The following NOSTRIN variants were observed in gnomAD, a reference collection of about 807,000 sequenced individuals.
NOSTRIN encodes the protein BM247 homolog.
In NOSTRIN, 63 loss-of-function variants were observed where a neutral mutation model predicts 59.0. That is an observed-to-expected ratio of 1.07 (90% CI 0.87 to 1.32). NOSTRIN has a LOEUF of 1.32. NOSTRIN is among the 40% of genes most tolerant of loss of function. The probability of loss-of-function intolerance (pLI) is 0.00; values close to 1 mark genes in which losing one functional copy is unlikely to be tolerated. For missense variants in NOSTRIN, 512 were observed against 473.1 expected (o/e 1.08, Z -0.76); for synonymous variants, 200 against 165.4 (o/e 1.21, Z -1.61).
intron 2 of NOSTRIN, among the ~76,000 whole-genome samples, chr2:168,792,469 A>T (rs1685382722): frequency 6.6e-6 from 1 of 151,904 alleles, no homozygotes; most frequent in African/African-American, 2.4e-5. Context: ...TTATTTTTTG[A>T]GATGGAGTCC....
At chr2:168,804,388 G>C (rs1043843350) in intron 1 of NOSTRIN, among the ~76,000 whole-genome samples, 6 of 152,122 alleles carry the variant, frequency 3.9e-5, no homozygotes, top group Non-Finnish European at 5.9e-5. Flanking sequence ...TATCCCTTCA[G>C]CCTGGGTTTC....
intron 8 of NOSTRIN, among the ~76,000 whole-genome samples, chr2:168,848,971 T>TA (rs1688588990): frequency 6.6e-6 from 1 of 152,150 alleles, no homozygotes; most frequent in Non-Finnish European, 1.5e-5. Flanking sequence ...ATTAAAAGTA[T>TA]AAAGAAATTT....
intron 10 of NOSTRIN, among the ~76,000 whole-genome samples, chr2:168,854,442 C>T (rs1164932300): frequency 6.6e-6 from 1 of 152,186 alleles, no homozygotes; most frequent in Non-Finnish European, 1.5e-5. Flanking sequence ...TTAGCAACCT[C>T]CTCACTCCAA....
chr2:168,855,306 C>A, intron 10 of NOSTRIN, 46 bp from the exon 11 acceptor site: 2 of 1,006,358 alleles, frequency 2.0e-6, no homozygotes, highest in Non-Finnish European at 3.0e-6. Context: ...GGAATAGCAA[C>A]TCTTACTTCT....
At chr2:168,834,507 G>GCGCGCGCGCGCGCGCA (rs756381301) in intron 7 of NOSTRIN, among the ~76,000 whole-genome samples, 182 bp downstream of exon 7, 1 of 125,342 alleles carries the variant, frequency 8.0e-6, no homozygotes, top group East Asian at 2.4e-4. Flanking sequence ...GCGCGCGCGC[G>GCGCGCGCGCGCGCGCA]CACACACACA....
intron 3 of NOSTRIN, among the ~76,000 whole-genome samples, chr2:168,826,771 CAT>C (rs1471473044): frequency 2.0e-5 from 3 of 152,196 alleles, no homozygotes; most frequent in Non-Finnish European, 4.4e-5. Flanking sequence ...CCATTTTAAG[CAT>C]ATGATTTGAT....
At chr2:168,846,972 G>C (rs553827) in intron 8 of NOSTRIN, among the ~76,000 whole-genome samples, 142,504 of 152,286 alleles carry the variant, frequency 0.94, 66,755 homozygotes, top group African/African-American at 0.98. Flanking sequence ...TTCTATAAAA[G>C]TGTCTTGAGG....
chr2:168,853,245 A>G (rs976595593), intron 10 of NOSTRIN, among the ~76,000 whole-genome samples: 2 of 152,188 alleles, frequency 1.3e-5, no homozygotes, highest in East Asian at 1.9e-4. Context: ...AAGCACCCCA[A>G]TGTCTGACTT....
At chr2:168,806,366 A>G (rs1387456443) in intron 1 of NOSTRIN, among the ~76,000 whole-genome samples, 1 of 152,142 alleles carries the variant, frequency 6.6e-6, no homozygotes, top group Admixed American at 6.5e-5. Context: ...AAGCAGAAAG[A>G]GCAGGTGGGC....
intron 1 of NOSTRIN, among the ~76,000 whole-genome samples, chr2:168,805,081 A>T (rs531658393): frequency 6.6e-6 from 1 of 152,340 alleles, no homozygotes; most frequent in South Asian, 2.1e-4. Flanking sequence ...ACCCTACGCT[A>T]CTTAAAAATG....
intron 14 of NOSTRIN, 83 bp downstream of exon 14, chr2:168,860,992 C>T (rs529486541): frequency 8.7e-5 from 73 of 839,522 alleles, no homozygotes; most frequent in Non-Finnish European, 1.4e-4. Context: ...TTCAGAGCCA[C>T]TTTGACCTGT....
At chr2:168,836,287 C>A (rs528938030) in intron 7 of NOSTRIN, among the ~76,000 whole-genome samples, 1 of 152,162 alleles carries the variant, frequency 6.6e-6, no homozygotes, top group Non-Finnish European at 1.5e-5. Context: ...TGATGTCATG[C>A]AATAATAAAG....
At chr2:168,788,039 G>A (rs1028334876) in exon 2 of NOSTRIN, 3 of 151,782 alleles carry the variant, frequency 2.0e-5, no homozygotes, top group Admixed American at 6.6e-5. Flanking sequence ...AGAAAATAGT[G>A]ATAAGAAAGG....
chr2:168,813,140 G>A (rs1686235709), intron 2 of NOSTRIN, among the ~76,000 whole-genome samples: 1 of 152,098 alleles, frequency 6.6e-6, no homozygotes, highest in African/African-American at 2.4e-5. Flanking sequence ...CAGTCCCAAA[G>A]GAAATTATTT....
intron 2 of NOSTRIN, among the ~76,000 whole-genome samples, chr2:168,790,530 G>A (rs950611017): frequency 3.3e-5 from 5 of 152,164 alleles, no homozygotes; most frequent in East Asian, 1.9e-4. Flanking sequence ...CCAAAGATAC[G>A]AAACCTGAAT....
At chr2:168,856,069 G>A in intron 11 of NOSTRIN, 1 of 228,454 alleles carries the variant, frequency 4.4e-6, no homozygotes, top group Non-Finnish European at 8.9e-6. Flanking sequence ...ATACCATAAC[G>A]AGGAAGAAGC....
chr2:168,801,128 C>A (rs373332938), upstream of NOSTRIN: 1 of 151,992 alleles, frequency 6.6e-6, no homozygotes, highest in African/African-American at 2.4e-5. Context: ...CTCCAGTGAT[C>A]AAGTTCTTTG....
chr2:168,845,273 A>T (rs781128951), intron 8 of NOSTRIN, among the ~76,000 whole-genome samples: 8 of 152,140 alleles, frequency 5.3e-5, no homozygotes, highest in Non-Finnish European at 1.2e-4. Context: ...TCACTTCCTG[A>T]TGAAGCCGTG....
chr2:168,824,841 A>G (rs1291813945), intron 3 of NOSTRIN, 124 bp downstream of exon 3: 10 of 623,368 alleles, frequency 1.6e-5, no homozygotes, highest in South Asian at 3.5e-5. Context: ...CAGTGGCACA[A>G]TCACAGCTCA....
Sources: allele counts gnomAD v4.1 joint callset (sites outside exome capture counted in the v4.1 genomes callset), GRCh38; gene constraint gnomAD v4.1.1; transcripts MANE v1.5; gene names NCBI Gene and HGNC (gene_info 2026-07-23, HGNC 2026-07-21).